The following DHRSX variants were observed in gnomAD, a reference collection of about 807,000 sequenced individuals.
DHRSX encodes the protein polyprenol dehydrogenase.
A neutral mutation model predicts 34.0 loss-of-function variants in DHRSX; 31 were observed. That is an observed-to-expected ratio of 0.91 (90% CI 0.69 to 1.23). DHRSX has a LOEUF of 1.23. Ranked by LOEUF, DHRSX falls within the 50% of genes most tolerant of loss-of-function variation. The probability of loss-of-function intolerance (pLI) is 0.00; values close to 1 mark genes in which losing one functional copy is unlikely to be tolerated. For synonymous variants in DHRSX, 201 were observed against 183.8 expected (o/e 1.09, Z -0.76); for missense variants, 414 against 428.1 (o/e 0.97, Z 0.29).
chrX:2,326,280 T>C (rs1171635950), intron 3 of DHRSX, among the ~76,000 whole-genome samples: 2 of 152,066 alleles, frequency 1.3e-5, no homozygotes, highest in Admixed American at 6.6e-5. Context: ...CCCAGCACTT[T>C]GGGAGGCCAA....
chrX:2,233,973 C>A (rs1213956450), intron 6 of DHRSX, among the ~76,000 whole-genome samples: 1 of 152,148 alleles, frequency 6.6e-6, no homozygotes, highest in Non-Finnish European at 1.5e-5. Context: ...CCAGAATTAA[C>A]AAATTAGAAA....
chrX:2,348,141 T>C (rs2042743917), intron 3 of DHRSX, among the ~76,000 whole-genome samples: 1 of 152,096 alleles, frequency 6.6e-6, no homozygotes, highest in Non-Finnish European at 1.5e-5. Flanking sequence ...GTGTTAGTAT[T>C]ATAGGCAAAG....
At chrX:2,474,329 C>T (rs1569505001) in intron 1 of DHRSX, among the ~76,000 whole-genome samples, 1 of 152,052 alleles carries the variant, frequency 6.6e-6, no homozygotes, top group African/African-American at 2.4e-5. Context: ...GGACTGCCAC[C>T]ATGTACACAC....
At chrX:2,247,571 G>A (rs1420288134) in intron 5 of DHRSX, among the ~76,000 whole-genome samples, 2 of 150,134 alleles carry the variant, frequency 1.3e-5, no homozygotes, top group East Asian at 2.0e-4. Context: ...GGAGAATGGC[G>A]TGAACCCGGG....
intron 1 of DHRSX, chrX:2,489,896 A>G: frequency 1.2e-6 from 2 of 1,613,830 alleles, no homozygotes; most frequent in Admixed American, 3.3e-5. Context: ...CGCCTTCACG[A>G]TGTCCTTGCC....
chrX:2,467,113 G>A (rs1175159803), intron 1 of DHRSX, among the ~76,000 whole-genome samples: 2 of 151,780 alleles, frequency 1.3e-5, no homozygotes, highest in East Asian at 1.9e-4. Context: ...CAGCTACTGG[G>A]AACATTTTAT....
At chrX:2,483,943 C>A (rs1293170606) in intron 1 of DHRSX, among the ~76,000 whole-genome samples, 1 of 151,900 alleles carries the variant, frequency 6.6e-6, no homozygotes, top group Non-Finnish European at 1.5e-5. Flanking sequence ...AATAATATTT[C>A]TTGACACAAC....
intron 3 of DHRSX, among the ~76,000 whole-genome samples, chrX:2,294,407 G>C (rs1285830411): frequency 6.6e-6 from 1 of 152,112 alleles, no homozygotes; most frequent in Non-Finnish European, 1.5e-5. Context: ...AGCCAGCTGT[G>C]GTGGTGCACA....
At chrX:2,367,643 G>A (rs942117743) in intron 3 of DHRSX, among the ~76,000 whole-genome samples, 16 of 152,018 alleles carry the variant, frequency 1.1e-4, no homozygotes, top group African/African-American at 3.1e-4. Flanking sequence ...CATTTTTTAT[G>A]TAATAACAAA....
intron 4 of DHRSX, among the ~76,000 whole-genome samples, chrX:2,289,101 A>G (rs1394560697): frequency 6.6e-6 from 1 of 151,764 alleles, no homozygotes; most frequent in African/African-American, 2.4e-5. Context: ...CTGGAGAAAC[A>G]TATCATATCT....
At chrX:2,500,725 A>C in intron 1 of DHRSX, 92 bp downstream of exon 1, 1 of 360,602 alleles carries the variant, frequency 2.8e-6, no homozygotes, top group Non-Finnish European at 3.5e-6. Flanking sequence ...CCGCCTCGCC[A>C]AGGTCACGCG....
chrX:2,476,427 G>GAAAAC (rs1419369803), intron 1 of DHRSX, among the ~76,000 whole-genome samples: 1 of 146,904 alleles, frequency 6.8e-6, no homozygotes, highest in Non-Finnish European at 1.5e-5. Flanking sequence ...GAAAAGAAAA[G>GAAAAC]AAAACAGACA....
At chrX:2,233,513 G>C (rs2015945303) in intron 6 of DHRSX, among the ~76,000 whole-genome samples, 1 of 152,112 alleles carries the variant, frequency 6.6e-6, no homozygotes, top group Non-Finnish European at 1.5e-5. Flanking sequence ...GCCCGGCTGG[G>C]GGGCGCTGGG....
At position 2,221,801 on chromosome X, in the gene DHRSX, G is replaced by A. The variant is rs371653123; in HGVS notation, c.805-572C>T. 2.9e-3 allele frequency among the ~76,000 whole-genome samples: 442 copies of A among 152,238 alleles called. 2 individuals are homozygous for A. Among genetic ancestry groups the A allele is most frequent in the African/African-American group, 0.01 (428 of 41,538 alleles). ...TGGGGATTTTACCCTAGTGGAAGGC[G>A]ATAATCTTGAAACACAGCACACCCT... On this transcript the variant is annotated intron_variant, in intron 6 of 6. Coordinates refer to ENST00000334651, the MANE Select transcript of DHRSX (RefSeq NM_145177.3).
At chrX:2,347,178 T>C (rs2042729720) in intron 3 of DHRSX, among the ~76,000 whole-genome samples, 1 of 152,218 alleles carries the variant, frequency 6.6e-6, no homozygotes, top group Admixed American at 6.6e-5. Context: ...CAGTTCCACG[T>C]GGCTGGGGAA....
At chrX:2,487,348 C>G (rs2044968109) in intron 1 of DHRSX, 1 of 150,986 alleles carries the variant, frequency 6.6e-6, no homozygotes, top group South Asian at 2.1e-4. Flanking sequence ...GACATAACCT[C>G]CGGACCCGTG....
At chrX:2,251,300 CA>C (rs1384963011) in intron 5 of DHRSX, among the ~76,000 whole-genome samples, 2 of 152,214 alleles carry the variant, frequency 1.3e-5, no homozygotes, top group Non-Finnish European at 1.5e-5. Flanking sequence ...ATAAAGAAAT[CA>C]ATGTACTTTA....
intron 1 of DHRSX, among the ~76,000 whole-genome samples, chrX:2,450,145 A>C (rs746410213): frequency 0.019 from 2,029 of 108,776 alleles, 29 homozygotes; most frequent in Non-Finnish European, 0.027. Context: ...AAAGGAAAAA[A>C]GTACCAATAA....
chrX:2,301,529 G>T (rs1256615340), intron 3 of DHRSX, among the ~76,000 whole-genome samples: 1 of 152,216 alleles, frequency 6.6e-6, no homozygotes, highest in African/African-American at 2.4e-5. Context: ...ATTGCTGCGT[G>T]GAGCAGAGAT....
Sources: allele counts gnomAD v4.1 joint callset (sites outside exome capture counted in the v4.1 genomes callset), GRCh38; gene constraint gnomAD v4.1.1; transcripts MANE v1.5; gene names NCBI Gene and HGNC (gene_info 2026-07-23, HGNC 2026-07-21).